AP2A2: variants seen among roughly 807,000 people sequenced by gnomAD.
AP2A2 encodes AP-2 complex subunit alpha-2.
A neutral mutation model predicts 104.2 loss-of-function variants in AP2A2; 32 were observed. That is an observed-to-expected ratio of 0.31 (90% CI 0.23 to 0.41). The LOEUF is 0.41. AP2A2 is among the 10% of genes least tolerant of loss of function. The pLI is 1.00. For synonymous variants in AP2A2, 539 were observed against 533.3 expected (o/e 1.01, Z -0.15); for missense variants, 912 against 1,261.0 (o/e 0.72, Z 4.19).
intron 6 of AP2A2, among the ~76,000 whole-genome samples, chr11:981,778 C>G (rs942110878): frequency 6.6e-6 from 1 of 152,272 alleles, no homozygotes; most frequent in African/African-American, 2.4e-5. Context: ...AGTTTACCTG[C>G]TGTCCTGTTG....
Position 994,211 on chromosome 11 carries a change from G to A in AP2A2, c.1922G>A (p.Gly641Asp), listed in dbSNP as rs781622661. 9 of 1,612,758 alleles carry A rather than the reference G, an allele frequency of 5.6e-6. No individual in the cohort carries two copies. Among genetic ancestry groups the A allele is most frequent in the East Asian group, 2.2e-5 (1 of 44,882 alleles). Residue 641 changes from glycine to aspartate, a missense_variant, in exon 14 of 22, where the codon GGT (glycine) becomes GAT (aspartate). Gly to Asp is a moderately conservative substitution (Grantham distance 94). Coordinates refer to ENST00000448903, the MANE Select transcript of AP2A2 (RefSeq NM_012305.4). The part of the protein sequence containing the change: ...KRDRSVDVNG[G>D]PEPAPASTSA... ...GACAGGAGTGTGGACGTGAACGGGG[G>A]TCCTGAGCCTGCCCCAGCCAGTACC...
intron 8 of AP2A2, 95 bp from the exon 9 acceptor site, chr11:986,690 G>C (rs1451953625): frequency 9.7e-6 from 14 of 1,437,674 alleles, no homozygotes; most frequent in African/African-American, 1.4e-5. Context: ...TGACTTTGCT[G>C]TCTGCCATCT....
At chr11:944,272 GTT>G (rs1165106761) in intron 1 of AP2A2, among the ~76,000 whole-genome samples, 1 of 152,194 alleles carries the variant, frequency 6.6e-6, no homozygotes, top group Non-Finnish European at 1.5e-5. Context: ...TCTTGGGACA[GTT>G]TTTGGTGCAT....
chr11:1,008,203 T>C (rs1856275904), intron 18 of AP2A2, 68 bp downstream of exon 18: 1 of 1,505,946 alleles, frequency 6.6e-7, no homozygotes, highest in East Asian at 2.4e-5. Context: ...CTGGGCTCCA[T>C]GACTGTGCCT....
chr11:1,010,535 C>T lies in AP2A2; in HGVS notation c.2743-13C>T, dbSNP rs1210736970. On this transcript the variant is annotated splice_polypyrimidine_tract_variant and intron_variant, in intron 21 of 21. Transcript: ENST00000448903. ...TCGGCGTGCCCGTTGACCTGCTGTG[C>T]TCTCTGTTTCAGATGTACCGGCTCA... 1 of 1,579,178 alleles carries T rather than the reference C, an allele frequency of 6.3e-7. No individual in the cohort carries two copies. The highest frequency in any genetic ancestry group is 1.8e-5 in the Admixed American group (1 of 55,324).
intron 14 of AP2A2, among the ~76,000 whole-genome samples, chr11:998,228 G>A (rs980963805): frequency 3.9e-5 from 6 of 152,292 alleles, no homozygotes; most frequent in East Asian, 1.9e-4. Flanking sequence ...CATGAGACCC[G>A]TGTCGTCTTC....
At chr11:967,238 T>C (rs1854647463) in intron 2 of AP2A2, among the ~76,000 whole-genome samples, 1 of 152,210 alleles carries the variant, frequency 6.6e-6, no homozygotes, top group Non-Finnish European at 1.5e-5. Flanking sequence ...TTTTATCGTC[T>C]GTGAAGTCTG....
intron 7 of AP2A2, 42 bp downstream of exon 7, chr11:984,795 G>T: frequency 6.9e-7 from 1 of 1,440,548 alleles, no homozygotes; most frequent in Non-Finnish European, 9.7e-7. Flanking sequence ...ACCAGTGCCA[G>T]TCTGATTCCC....
chr11:1,006,756 C>T (rs1856221924), intron 17 of AP2A2, 139 bp downstream of exon 17: 5 of 663,000 alleles, frequency 7.5e-6, no homozygotes, highest in East Asian at 2.7e-5. Flanking sequence ...ATCAGGCAGT[C>T]GTAATCTGCC....
At position 949,099 on chromosome 11, in the gene AP2A2, G is replaced by A. The variant is rs532057496; in HGVS notation, c.68-10338G>A. Among the ~76,000 whole-genome samples the A allele has an allele frequency of 8.6e-5, 13 of 151,926 alleles. No individual in the cohort carries two copies. In the South Asian group the frequency reaches 1.9e-3, roughly 22 times the overall value. On this transcript the variant is annotated intron_variant, in intron 1 of 21. Transcript: ENST00000448903. Reference sequence around the variant, plus strand: ...AGGTCAGGAGTTCAAGACCAGCCTGGCCAACATCTCTACTAAAAATGCAAA... The same window carrying A: ...AGGTCAGGAGTTCAAGACCAGCCTGACCAACATCTCTACTAAAAATGCAAA...
At chr11:987,633 C>T (rs904122628) in intron 9 of AP2A2, among the ~76,000 whole-genome samples, 3 of 151,254 alleles carry the variant, frequency 2.0e-5, no homozygotes, top group Admixed American at 6.6e-5. Flanking sequence ...CCAGCGTGGG[C>T]GACAGAGCGA....
chr11:951,136 CA>C (rs1854037944), intron 1 of AP2A2, among the ~76,000 whole-genome samples: 2 of 151,396 alleles, frequency 1.3e-5, no homozygotes, highest in Non-Finnish European at 2.9e-5. Flanking sequence ...ATATTTCTTC[CA>C]AATAGATTTA....
At chr11:986,110 C>G (rs1211618413) in intron 8 of AP2A2, among the ~76,000 whole-genome samples, 1 of 152,216 alleles carries the variant, frequency 6.6e-6, no homozygotes. Flanking sequence ...TGGCGTGGGT[C>G]TTGCGTGTGG....
rs1266922684 is a variant in AP2A2 at position 968,554 on chromosome 11, G to A, written c.137-1615G>A. ...GAGAGGTGCTTTGAGTAACAGGGAAGTCTCCGGAGGGAGGAGGAGGTCAAG... is the reference window on the plus strand; with the variant it reads ...GAGAGGTGCTTTGAGTAACAGGGAAATCTCCGGAGGGAGGAGGAGGTCAAG... On this transcript the variant is annotated intron_variant, in intron 2 of 21. Coordinates refer to ENST00000448903, the MANE Select transcript of AP2A2 (RefSeq NM_012305.4). This position sits in a 1 kb window ranked among gnomAD's most constrained non-coding sequence, Gnocchi z 4.2. Among the ~76,000 whole-genome samples, 1 of 152,204 alleles carries A rather than the reference G, an allele frequency of 6.6e-6. No homozygotes were observed. The highest frequency in any genetic ancestry group is 1.9e-4 in the East Asian group (1 of 5,172).
At chr11:928,623 T>C (rs1589936296) in intron 1 of AP2A2, among the ~76,000 whole-genome samples, 2 of 152,248 alleles carry the variant, frequency 1.3e-5, no homozygotes, top group Admixed American at 6.5e-5. Flanking sequence ...TAAGGAACAA[T>C]GTCTCCAGGC....
At chr11:926,503 G>T (rs1179227408) in intron 1 of AP2A2, among the ~76,000 whole-genome samples, 1 of 152,256 alleles carries the variant, frequency 6.6e-6, no homozygotes, top group East Asian at 1.9e-4. Flanking sequence ...CACCAAGGGG[G>T]TTCCGGGCCA....
intron 10 of AP2A2, among the ~76,000 whole-genome samples, chr11:989,188 G>A (rs1338484169): frequency 1.3e-5 from 2 of 152,178 alleles, no homozygotes; most frequent in Admixed American, 6.5e-5. Context: ...TTAGCCGGGC[G>A]TAGTGGCGCA....
Position 985,528 on chromosome 11 carries a change from A to G in AP2A2, c.908A>G (p.Asn303Ser). The G allele has an allele frequency of 6.2e-7, 1 of 1,613,918 alleles. No homozygotes were observed. Among genetic ancestry groups the G allele is most frequent in the Non-Finnish European group, 8.5e-7 (1 of 1,179,870 alleles). Residue 303 changes from asparagine to serine, a missense_variant, in exon 8 of 22, where the codon AAC (asparagine) becomes AGC (serine). By Grantham distance (46) the Asn-to-Ser change is conservative. This residue lies in a region of AP2A2 where 350 missense variants were observed against 487.0 expected (regional missense o/e 0.72). Coordinates refer to ENST00000448903, the MANE Select transcript of AP2A2 (RefSeq NM_012305.4). ...AAGTCGAAGAAGGTCCAGCACTCCA[A>G]CGCGAAGAATGCCGTGCTCTTCGAG... ...PPKSKKVQHS[N>S]AKNAVLFEAI...
At chr11:963,992 G>A (rs1854530460) in intron 2 of AP2A2, among the ~76,000 whole-genome samples, 1 of 152,212 alleles carries the variant, frequency 6.6e-6, no homozygotes, top group Non-Finnish European at 1.5e-5. Context: ...TGCATAGAGT[G>A]GCCCCCACAA....
Sources: gnomAD v4.1 joint callset for allele counts (sites outside exome capture counted in the v4.1 genomes callset) on GRCh38, gnomAD v4.1.1 for gene constraint, gnomAD v4.1.1 regional missense constraint, Gnocchi (gnomAD v3.1) non-coding constraint, MANE v1.5 for transcripts, NCBI Gene and HGNC (gene_info 2026-07-23, HGNC 2026-07-21) for gene names.